The following VAV2 variants were observed in gnomAD, a reference collection of about 807,000 sequenced individuals.
VAV2 encodes the protein guanine nucleotide exchange factor VAV2.
VAV2 carries 67 observed loss-of-function variants against 132.5 expected under a neutral mutation model. The ratio of observed to expected loss-of-function variants is 0.51; its 90% CI spans 0.42 to 0.62. VAV2 has a LOEUF of 0.62. Ranked by LOEUF, VAV2 falls within the 20% of genes least tolerant of loss-of-function variation. The pLI is 0.00. For synonymous variants in VAV2, 492 were observed against 443.5 expected, an observed-to-expected ratio of 1.11 and a Z score of -1.37; for missense variants, 938 against 1,153.6, an observed-to-expected ratio of 0.81 and a Z score of 2.71.
intron 12 of VAV2, among the ~76,000 whole-genome samples, chr9:133,792,527 A>G (rs1160721411): frequency 1.1e-5 from 1 of 90,488 alleles, no homozygotes. Flanking sequence ...GGTGTGTGTT[A>G]TTGTGTGTGT....
chr9:133,986,797 A>G (rs1588230567), intron 1 of VAV2, among the ~76,000 whole-genome samples: 1 of 152,002 alleles, frequency 6.6e-6, no homozygotes, highest in Admixed American at 6.5e-5. Context: ...CCTCGGCTAC[A>G]CCAGCCCAGC....
chr9:133,871,249 TGGATGGAC>T (rs1838026119), intron 2 of VAV2, among the ~76,000 whole-genome samples: 1 of 147,412 alleles, frequency 6.8e-6, no homozygotes, highest in African/African-American at 2.5e-5. Flanking sequence ...GATGGATGGA[TGGATGGAC>T]AGATGGATAG....
intron 1 of VAV2, among the ~76,000 whole-genome samples, chr9:133,947,246 C>A (rs573635769): frequency 2.4e-4 from 36 of 152,308 alleles, no homozygotes; most frequent in Admixed American, 2.0e-4. Flanking sequence ...CTTATTCCTG[C>A]ACACATCAAT....
intron 1 of VAV2, among the ~76,000 whole-genome samples, chr9:133,985,574 G>T (rs1012694844): frequency 6.6e-6 from 1 of 152,086 alleles, no homozygotes; most frequent in Non-Finnish European, 1.5e-5. Context: ...GAGCCATCGC[G>T]CCCGGCCCTG....
chr9:133,827,346 C>T (rs12347343), intron 4 of VAV2, among the ~76,000 whole-genome samples: 714 of 3,348 alleles, frequency 0.21, 110 homozygotes, highest in East Asian at 0.43. Flanking sequence ...GACCACTGAG[C>T]GGGGGCATCA....
At chr9:133,972,718 G>C (rs1842380826) in intron 1 of VAV2, among the ~76,000 whole-genome samples, 1 of 152,172 alleles carries the variant, frequency 6.6e-6, no homozygotes, top group Non-Finnish European at 1.5e-5. Context: ...TCCAGCGAGG[G>C]GAACCTGACT....
At chr9:133,880,551 C>T (rs1274790615) in intron 2 of VAV2, among the ~76,000 whole-genome samples, 3 of 152,174 alleles carry the variant, frequency 2.0e-5, no homozygotes, top group Non-Finnish European at 4.4e-5. Flanking sequence ...GGGGGCACTG[C>T]CAATGCCACC....
At chr9:133,846,691 C>G (rs12340990) in intron 3 of VAV2, among the ~76,000 whole-genome samples, 1 of 152,224 alleles carries the variant, frequency 6.6e-6, no homozygotes, top group African/African-American at 2.4e-5. Context: ...CTCAGTGAGG[C>G]GCACAGACCA....
chr9:133,949,831 C>T (rs1033400955), intron 1 of VAV2, among the ~76,000 whole-genome samples: 31 of 152,322 alleles, frequency 2.0e-4, no homozygotes, highest in Admixed American at 2.0e-3. Flanking sequence ...TGGCTCAAGG[C>T]CAGGAGGTCC....
At chr9:133,793,800 C>A (rs1403273145) in intron 12 of VAV2, among the ~76,000 whole-genome samples, 1 of 152,172 alleles carries the variant, frequency 6.6e-6, no homozygotes, top group African/African-American at 2.4e-5. Flanking sequence ...GGGGCTGATT[C>A]TCAAAGACGC....
chr9:133,785,160 C>T (rs902937994), intron 17 of VAV2, among the ~76,000 whole-genome samples: 1 of 152,164 alleles, frequency 6.6e-6, no homozygotes, highest in Non-Finnish European at 1.5e-5. Flanking sequence ...GAACACAGGC[C>T]TTCCCCTCTC....
chr9:133,981,613 G>A (rs1842696608), intron 1 of VAV2, among the ~76,000 whole-genome samples: 1 of 152,204 alleles, frequency 6.6e-6, no homozygotes, highest in Non-Finnish European at 1.5e-5. Context: ...CACACTTTTT[G>A]CACCAAATCT....
intron 27 of VAV2, 147 bp downstream of exon 27, chr9:133,770,231 G>T: frequency 7.6e-7 from 1 of 1,310,918 alleles, no homozygotes; most frequent in Non-Finnish European, 1.0e-6. Context: ...GACAGCATCT[G>T]CGATGGCTGG....
At chr9:133,900,189 A>G (rs1839386241) in intron 2 of VAV2, among the ~76,000 whole-genome samples, 1 of 149,224 alleles carries the variant, frequency 6.7e-6, no homozygotes. Context: ...ACAGAGTAAG[A>G]CCCTGTCTCA....
In VAV2 at chr9:133,824,229, G is replaced by A. The variant is rs760949669; in HGVS notation, c.449+10043C>T. ...GGGAAGGTGCGGACAGGGAGCTCCCGCCCAGCAGTCCCACAGCCACCTCCC... is the reference window on the plus strand; with the variant it reads ...GGGAAGGTGCGGACAGGGAGCTCCCACCCAGCAGTCCCACAGCCACCTCCC... On this transcript the variant is annotated intron_variant, in intron 4 of 29. Coordinates refer to ENST00000371850, the MANE Select transcript of VAV2 (RefSeq NM_001134398.2). The surrounding 1 kb of genome is among the most constrained non-coding windows in gnomAD (Gnocchi z 5.2). 2.6e-5 allele frequency among the ~76,000 whole-genome samples: 4 copies of A among 152,098 alleles called. No homozygotes were observed. Among genetic ancestry groups the A allele is most frequent in the African/African-American group, 4.8e-5 (2 of 41,414 alleles).
chr9:133,841,716 T>C (rs114571390), intron 3 of VAV2, among the ~76,000 whole-genome samples: 2,967 of 152,278 alleles, frequency 0.019, 42 homozygotes, highest in Middle Eastern at 0.031. Flanking sequence ...CTGCAGGTAA[T>C]GGGTCTGGGT....
At chr9:133,806,546 C>T (rs1835155096) in intron 8 of VAV2, among the ~76,000 whole-genome samples, 1 of 152,278 alleles carries the variant, frequency 6.6e-6, no homozygotes, top group Admixed American at 6.5e-5. Context: ...GACCCCCATC[C>T]CCGCCCCAGG....
chr9:133,897,973 T>C (rs1484807861), intron 2 of VAV2, among the ~76,000 whole-genome samples: 1 of 152,104 alleles, frequency 6.6e-6, no homozygotes, highest in Middle Eastern at 3.2e-3. Context: ...GACAGGCAGC[T>C]GGCTTGCTGG....
chr9:133,806,645 G>T (rs147924747), intron 8 of VAV2, among the ~76,000 whole-genome samples: 138 of 152,310 alleles, frequency 9.1e-4, no homozygotes, highest in African/African-American at 3.2e-3. Context: ...GAAGCTCTGG[G>T]GTCCAAGCCA....
Sources: allele counts gnomAD v4.1 joint callset (sites outside exome capture counted in the v4.1 genomes callset), GRCh38; gene constraint gnomAD v4.1.1; non-coding constraint Gnocchi (gnomAD v3.1); transcripts MANE v1.5; gene names NCBI Gene and HGNC (gene_info 2026-07-23, HGNC 2026-07-21).